SEMA4D: variants seen among roughly 807,000 people sequenced by gnomAD.
SEMA4D encodes the protein semaphorin-4D.
A neutral mutation model predicts 74.8 loss-of-function variants in SEMA4D; 22 were observed. The observed-to-expected ratio is 0.29, with a 90% CI of 0.21 to 0.42. SEMA4D has a LOEUF of 0.42. Ranked by LOEUF, SEMA4D falls within the 10% of genes least tolerant of loss-of-function variation. SEMA4D has a pLI of 1.00. For missense variants in SEMA4D, 937 were observed against 1,118.4 expected (o/e 0.84, Z 2.31); for synonymous variants, 445 against 463.7 (o/e 0.96, Z 0.52).
chr9:89,407,977 C>T (rs1184427896), intron 2 of SEMA4D, among the ~76,000 whole-genome samples: 1 of 152,250 alleles, frequency 6.6e-6, no homozygotes, highest in Non-Finnish European at 1.5e-5. Context: ...CCACTTTGAG[C>T]TCCCAAACCA....
chr9:89,480,416 C>T (rs931905510), intron 1 of SEMA4D, among the ~76,000 whole-genome samples: 58 of 152,386 alleles, frequency 3.8e-4, no homozygotes, highest in African/African-American at 1.3e-3. Flanking sequence ...GCCGTGCGCT[C>T]GCATTCCTCA....
rs763886627 is a variant in SEMA4D, at chr9:89,387,636, C to T, written c.1108-28G>A. 3.1e-6 allele frequency: 5 copies of T among 1,603,308 alleles called. No homozygotes were observed. The South Asian group carries it at 3.3e-5, about 11-fold the overall frequency. On this transcript the variant is annotated intron_variant, in intron 11 of 15. Transcript: ENST00000422704. ...GCAGGGAGAAAATCCCCGCTGTTAA[C>T]GTGCTCGTGTCCCACCACGCAACGG...
chr9:89,463,732 A>C (rs1354602830), intron 1 of SEMA4D, among the ~76,000 whole-genome samples: 24 of 152,108 alleles, frequency 1.6e-4, no homozygotes. Flanking sequence ...TCAGGAGTTC[A>C]AGATCAGCCT....
At chr9:89,440,324 C>A (rs1160844517) in intron 2 of SEMA4D, among the ~76,000 whole-genome samples, 1 of 152,178 alleles carries the variant, frequency 6.6e-6, no homozygotes, top group Non-Finnish European at 1.5e-5. Context: ...CTTTCACCCA[C>A]CCCCATGGTA....
At chr9:89,483,793 C>A (rs560006217) in intron 1 of SEMA4D, among the ~76,000 whole-genome samples, 2 of 152,066 alleles carry the variant, frequency 1.3e-5, no homozygotes, top group Non-Finnish European at 1.5e-5. Context: ...TCACTGTCAG[C>A]GTCTGAAGCC....
At chr9:89,418,920 A>T (rs945125255) in intron 2 of SEMA4D, 1 of 152,112 alleles carries the variant, frequency 6.6e-6, no homozygotes, top group African/African-American at 2.4e-5. Flanking sequence ...AGCTTATATG[A>T]TCACGGCTCT....
intron 1 of SEMA4D, among the ~76,000 whole-genome samples, chr9:89,463,717 C>T (rs1011043438): frequency 1.1e-4 from 16 of 152,234 alleles, no homozygotes; most frequent in Middle Eastern, 6.8e-3. Context: ...GGGCATATCA[C>T]GAGGTCAGGA....
intron 2 of SEMA4D, among the ~76,000 whole-genome samples, chr9:89,411,278 G>C (rs1844473973): frequency 1.3e-5 from 2 of 152,210 alleles, no homozygotes; most frequent in African/African-American, 4.8e-5. Context: ...GGAAGCAAGA[G>C]TGACCCATGA....
intron 5 of SEMA4D, 73 bp downstream of exon 5, chr9:89,399,203 C>T: frequency 7.6e-7 from 1 of 1,309,466 alleles, no homozygotes. Context: ...TGCAGGCATG[C>T]TGGCATTCAG....
chr9:89,445,215 A>G (rs1208309109), intron 2 of SEMA4D, among the ~76,000 whole-genome samples: 1 of 152,228 alleles, frequency 6.6e-6, no homozygotes, highest in Admixed American at 6.5e-5. Flanking sequence ...TGCAAGATCT[A>G]TTACAAGGAA....
chr9:89,419,292 G>A (rs898096491), intron 2 of SEMA4D, among the ~76,000 whole-genome samples: 1 of 152,208 alleles, frequency 6.6e-6, no homozygotes, highest in African/African-American at 2.4e-5. Flanking sequence ...ATAAGCAAAA[G>A]TAGGTTCACA....
Position 89,381,966 on chromosome 9 carries a change from T to G in SEMA4D, c.1447-620A>C, listed in dbSNP as rs1242014604. The G allele has an allele frequency of 6.6e-6, 1 of 152,204 alleles. No individual in the cohort carries two copies. Among genetic ancestry groups the G allele is most frequent in the African/African-American group, 2.4e-5 (1 of 41,424 alleles). The allele number at this position is 152,204 out of a possible 1,614,324, so 9.4% of individuals were successfully genotyped here. A position where few individuals can be genotyped will look rare whatever the true frequency, so the allele number is the denominator to read the frequency against. ...AACAATGCCTTTTGCTTTTCACTTA[T>G]CTATATGTAAAAGGGAAGAGCTCAC... On this transcript the variant is annotated intron_variant, in intron 13 of 15. Transcript: ENST00000422704. This position sits in a 1 kb window ranked among gnomAD's most constrained non-coding sequence, Gnocchi z 4.6.
intron 2 of SEMA4D, among the ~76,000 whole-genome samples, chr9:89,446,230 C>T (rs1232034951): frequency 1.3e-5 from 2 of 152,196 alleles, no homozygotes; most frequent in Non-Finnish European, 2.9e-5. Context: ...TCTCCCTCTG[C>T]TGCCTCTGAG....
At chr9:89,496,048 A>G (rs1405236653) in intron 1 of SEMA4D, among the ~76,000 whole-genome samples, 1 of 152,182 alleles carries the variant, frequency 6.6e-6, no homozygotes, top group Non-Finnish European at 1.5e-5. Flanking sequence ...ATCTGCCTCC[A>G]GCGGTCCACA....
chr9:89,482,038 G>C (rs1824752438), intron 1 of SEMA4D, among the ~76,000 whole-genome samples: 1 of 152,234 alleles, frequency 6.6e-6, no homozygotes, highest in South Asian at 2.1e-4. Flanking sequence ...AGGAGGCAGG[G>C]AGAGGGGTCA....
chr9:89,461,700 C>CTTT (rs61696689), intron 1 of SEMA4D, among the ~76,000 whole-genome samples: 1,556 of 103,600 alleles, frequency 0.015, 64 homozygotes, highest in African/African-American at 0.05. Flanking sequence ...TCTTTTTTCT[C>CTTT]TTTTTTTTTT....
rs770996148 is a variant in SEMA4D, at chr9:89,377,419, A to G, written c.*1285T>C. The G allele has an allele frequency of 1.7e-4, 29 of 172,170 alleles. No individual in the cohort carries two copies. Among genetic ancestry groups the G allele is most frequent in the Non-Finnish European group, 2.9e-4 (24 of 81,604 alleles). 10.7% of individuals were successfully genotyped at this position (172,170 alleles called of 1,614,324 possible). A position where few individuals can be genotyped will look rare whatever the true frequency, so the allele number is the denominator to read the frequency against. On this transcript the variant is annotated 3_prime_UTR_variant, in exon 16 of 16. Transcript: ENST00000422704. ...AAACATCCAGAGTTTATTGCTCTTC[A>G]CCATGGAAAAAAAGTCTCTTCCCGA... is the stretch of plus-strand genomic sequence containing the variant.
rs1399853662 is a variant in SEMA4D, at chr9:89,388,898, C to T, written c.924G>A (p.Val308=). ...GCTGTGGGGTGAAGAGTGCATAGAACACAGGCACCTTCAGGCCCGGGGACC... is the reference window on the plus strand; with the variant it reads ...GCTGTGGGGTGAAGAGTGCATAGAATACAGGCACCTTCAGGCCCGGGGACC... ...VLRSPGLKVP[V]FYALFTPQLN... is the part of the protein sequence containing the mutation. Residue 308 remains valine (V), a synonymous_variant, in exon 10 of 16, where the codon GTG becomes GTA. Coordinates refer to ENST00000422704, the MANE Select transcript of SEMA4D (RefSeq NM_001371194.2). 6 of 1,614,132 alleles carry T rather than the reference C, an allele frequency of 3.7e-6. No individual in the cohort carries two copies. Among genetic ancestry groups the T allele is most frequent in the South Asian group, 2.2e-5 (2 of 91,090 alleles).
At chr9:89,488,415 G>A (rs535954668) in intron 1 of SEMA4D, among the ~76,000 whole-genome samples, 1 of 136,160 alleles carries the variant, frequency 7.3e-6, no homozygotes, top group South Asian at 2.4e-4. Flanking sequence ...ACAGGCTGGA[G>A]TGGCTGGAGT....
Sources: allele counts gnomAD v4.1 joint callset (sites outside exome capture counted in the v4.1 genomes callset), GRCh38; gene constraint gnomAD v4.1.1; non-coding constraint Gnocchi (gnomAD v3.1); transcripts MANE v1.5; gene names NCBI Gene and HGNC (gene_info 2026-07-23, HGNC 2026-07-21).